The following CAST variants were observed in gnomAD, a reference collection of about 807,000 sequenced individuals.
CAST encodes the protein MIR583 host.
In CAST, 76 loss-of-function variants were observed where a neutral mutation model predicts 119.6. The observed-to-expected ratio is 0.64, with a 90% CI of 0.53 to 0.77. CAST has a LOEUF of 0.77. CAST is among the 30% of genes least tolerant of loss of function. The pLI is 0.00. For missense variants in CAST, 953 were observed against 946.5 expected (o/e 1.01, Z -0.09); for synonymous variants, 319 against 331.6 (o/e 0.96, Z 0.41).
the CAST span, among the ~76,000 whole-genome samples, chr5:96,119,674 C>A: frequency 6.6e-6 from 1 of 152,104 alleles, no homozygotes; most frequent in Non-Finnish European, 1.5e-5. Flanking sequence ...ATATTTGAAC[C>A]TTTATTCAGC....
At chr5:96,234,929 A>C in the CAST span, among the ~76,000 whole-genome samples, 2 of 152,214 alleles carry the variant, frequency 1.3e-5, no homozygotes, top group African/African-American at 4.8e-5. Context: ...ATGTGTGTAC[A>C]CTTATGCAAT....
intron 1 of CAST, among the ~76,000 whole-genome samples, chr5:96,616,789 C>T (rs942088613): frequency 6.7e-6 from 1 of 150,092 alleles, no homozygotes; most frequent in Non-Finnish European, 1.5e-5. Flanking sequence ...CACACACACA[C>T]ACACACATAT....
the CAST span, among the ~76,000 whole-genome samples, chr5:96,258,600 CCAT>C: frequency 6.6e-6 from 1 of 152,146 alleles, no homozygotes; most frequent in Non-Finnish European, 1.5e-5. Flanking sequence ...CCACCCCCCA[CCAT>C]GTTTCTGGTA....
the CAST span, chr5:96,391,429 A>C: frequency 6.6e-6 from 1 of 152,234 alleles, no homozygotes; most frequent in Admixed American, 6.5e-5. Context: ...CTTTGTAAGC[A>C]TATTGAGAGA....
the CAST span, among the ~76,000 whole-genome samples, chr5:96,068,855 G>A: frequency 1.3e-5 from 2 of 150,614 alleles, no homozygotes; most frequent in African/African-American, 4.9e-5. Context: ...ACACACACCT[G>A]TCTTCCTGTG....
At chr5:96,000,869 A>G in the CAST span, among the ~76,000 whole-genome samples, 3 of 152,216 alleles carry the variant, frequency 2.0e-5, no homozygotes, top group Admixed American at 1.3e-4. Flanking sequence ...AAAAAAACGC[A>G]ATTGATATTC....
rs138990249 is a variant in CAST, at chr5:96,758,430, G to A, written c.1833+776G>A. ...TTATATGCAAATATATAGTGAGTCT[G>A]TTAGAGTTCCCAAACTTAATAACTG... On this transcript the variant is annotated intron_variant, in intron 24 of 31. Transcript: ENST00000675179. 3.7e-3 allele frequency among the ~76,000 whole-genome samples: 556 copies of A among 152,250 alleles called. 2 individuals are homozygous for A. Among genetic ancestry groups the A allele is most frequent in the African/African-American group, 0.013 (530 of 41,554 alleles).
At chr5:96,431,738 A>G in the CAST span, among the ~76,000 whole-genome samples, 1 of 152,242 alleles carries the variant, frequency 6.6e-6, no homozygotes, top group South Asian at 2.1e-4. Flanking sequence ...GGTTCGGTCT[A>G]CAGAATCGCC....
chr5:96,723,136 G>C (rs1420054283), intron 4 of CAST, among the ~76,000 whole-genome samples: 1 of 151,922 alleles, frequency 6.6e-6, no homozygotes, highest in Non-Finnish European at 1.5e-5. Flanking sequence ...TTGTTTGTTT[G>C]TTTGTTTTTG....
chr5:96,722,738 G>A (rs369370301), intron 4 of CAST, 40 bp downstream of exon 4: 3 of 1,424,330 alleles, frequency 2.1e-6, no homozygotes, highest in Non-Finnish European at 3.0e-6. Flanking sequence ...AATTTAAGTT[G>A]ATTGTGCTGC....
At chr5:96,207,810 T>G in the CAST span, among the ~76,000 whole-genome samples, 1 of 152,280 alleles carries the variant, frequency 6.6e-6, no homozygotes, top group East Asian at 1.9e-4. Flanking sequence ...GCTGGCTTTA[T>G]AGAATGAGCT....
At chr5:96,130,886 T>C in the CAST span, among the ~76,000 whole-genome samples, 1 of 152,098 alleles carries the variant, frequency 6.6e-6, no homozygotes, top group Admixed American at 6.6e-5. Flanking sequence ...ATCCATTGCT[T>C]ACAAGCATGC....
At chr5:96,671,251 A>G (rs1406284448) in intron 1 of CAST, among the ~76,000 whole-genome samples, 1 of 151,788 alleles carries the variant, frequency 6.6e-6, no homozygotes, top group Non-Finnish European at 1.5e-5. Context: ...GAAATTCTTT[A>G]CTATGGCATC....
the CAST span, among the ~76,000 whole-genome samples, chr5:96,228,041 A>ATG: frequency 6.6e-6 from 1 of 150,826 alleles, no homozygotes; most frequent in Non-Finnish European, 1.5e-5. Context: ...GCACATGTGT[A>ATG]TGTGTGTGTC....
intron 11 of CAST, among the ~76,000 whole-genome samples, chr5:96,739,398 C>T (rs960820167): frequency 1.6e-4 from 25 of 152,106 alleles, no homozygotes; most frequent in African/African-American, 5.6e-4. Flanking sequence ...ATGGATTATT[C>T]ATGTATCAAC....
chr5:96,716,935 G>A (rs1055147494), intron 3 of CAST, among the ~76,000 whole-genome samples: 17 of 152,028 alleles, frequency 1.1e-4, no homozygotes, highest in African/African-American at 4.8e-5. Context: ...ATGGAGTCCC[G>A]GCCACTTAGC....
the CAST span, among the ~76,000 whole-genome samples, chr5:96,009,433 T>C: frequency 7.9e-5 from 12 of 152,058 alleles, no homozygotes; most frequent in Non-Finnish European, 1.2e-4. Flanking sequence ...ACAGTGTAAA[T>C]GTTTCCTCTG....
intron 26 of CAST, among the ~76,000 whole-genome samples, chr5:96,765,556 T>C (rs1421468444): frequency 3.3e-5 from 5 of 152,016 alleles, no homozygotes; most frequent in African/African-American, 1.2e-4. Context: ...GAGGTAGGTG[T>C]GGGGTATGCA....
the CAST span, among the ~76,000 whole-genome samples, chr5:96,302,205 A>G: frequency 4.6e-5 from 7 of 152,022 alleles, no homozygotes; most frequent in African/African-American, 7.2e-5. Context: ...TCCTTTTAGC[A>G]CAGCTGGAGC....
Sources: gnomAD v4.1 joint callset for allele counts (sites outside exome capture counted in the v4.1 genomes callset) on GRCh38, gnomAD v4.1.1 for gene constraint, MANE v1.5 for transcripts, NCBI Gene and HGNC (gene_info 2026-07-23, HGNC 2026-07-21) for gene names.